Variants in GPD1L observed in about 807,000 individuals in gnomAD.
GPD1L encodes glycerol-3-phosphate dehydrogenase 1-like protein.
GPD1L carries 17 observed loss-of-function variants against 32.9 expected under a neutral mutation model. The ratio of observed to expected loss-of-function variants is 0.52; its 90% CI spans 0.35 to 0.78. The LOEUF (loss-of-function observed/expected upper bound fraction) is 0.78. GPD1L is among the 30% of genes least tolerant of loss of function. GPD1L has a pLI of 0.01. For synonymous variants in GPD1L, 187 were observed against 165.9 expected (o/e 1.13, Z -0.98); for missense variants, 361 against 447.8 (o/e 0.81, Z 1.75).
chr3:32,139,882 AC>A (rs1246133995), intron 3 of GPD1L, among the ~76,000 whole-genome samples: 1 of 152,170 alleles, frequency 6.6e-6, no homozygotes, highest in African/African-American at 2.4e-5. Context: ...TTGTCTAGGG[AC>A]CATCCGATGT....
intron 2 of GPD1L, among the ~76,000 whole-genome samples, chr3:32,135,999 C>T (rs1187383263): frequency 6.6e-6 from 1 of 152,154 alleles, no homozygotes; most frequent in African/African-American, 2.4e-5. Flanking sequence ...TTTTGATCTG[C>T]TCTATGGGGA....
In GPD1L at chr3:32,166,273, G is replaced by A; in HGVS notation, c.*363G>A. ...TTAGGTGTAATTCATATGTATTTGA[G>A]TGGAGGATTTTTTTTCTCATTTTTC... On this transcript the variant is annotated 3_prime_UTR_variant, in exon 8 of 8. Transcript: ENST00000282541. The A allele has an allele frequency of 3.2e-6, 1 of 312,972 alleles. No individual in the cohort carries two copies. Among genetic ancestry groups the A allele is most frequent in the Non-Finnish European group, 6.1e-6 (1 of 163,988 alleles). The allele number at this position is 312,972 out of a possible 1,614,324, so 19.4% of individuals were successfully genotyped here.
chr3:32,166,045 G>A lies in GPD1L; in HGVS notation c.*135G>A, dbSNP rs973601396. On this transcript the variant is annotated 3_prime_UTR_variant, in exon 8 of 8. Transcript: ENST00000282541. ...GATATGTATGAATTTTTACAGGTTCGTTTTTGAATTGTGAGAGGCAGTTCA... is the reference window on the plus strand; with the variant it reads ...GATATGTATGAATTTTTACAGGTTCATTTTTGAATTGTGAGAGGCAGTTCA... 4.5e-5 allele frequency: 32 copies of A among 704,456 alleles called. No homozygotes were observed. The highest frequency in any genetic ancestry group is 1.9e-4 in the African/African-American group (11 of 57,000). The allele number at this position is 704,456 out of a possible 1,614,324, so 43.6% of individuals were successfully genotyped here.
chr3:32,121,420 C>T (rs1194565746), intron 1 of GPD1L, among the ~76,000 whole-genome samples: 1 of 149,668 alleles, frequency 6.7e-6, no homozygotes, highest in Non-Finnish European at 1.5e-5. Context: ...CTCAGAGCTC[C>T]GCCCTGGCTA....
chr3:32,141,232 C>T (rs1440402831), intron 4 of GPD1L, among the ~76,000 whole-genome samples: 1 of 152,128 alleles, frequency 6.6e-6, no homozygotes, highest in African/African-American at 2.4e-5. Context: ...GATTCTTATA[C>T]CTGCCTATAC....
At chr3:32,133,263 A>G (rs1271286738) in intron 2 of GPD1L, among the ~76,000 whole-genome samples, 1 of 152,190 alleles carries the variant, frequency 6.6e-6, no homozygotes, top group Non-Finnish European at 1.5e-5. Flanking sequence ...CTTGAAGTAG[A>G]CATAACTAGT....
intron 1 of GPD1L, among the ~76,000 whole-genome samples, chr3:32,110,497 C>T (rs543594702): frequency 6.6e-6 from 1 of 152,362 alleles, no homozygotes; most frequent in African/African-American, 2.4e-5. Flanking sequence ...CATTTGAGAA[C>T]TCTCACATGG....
At chr3:32,134,735 A>G (rs1700641403) in intron 2 of GPD1L, among the ~76,000 whole-genome samples, 1 of 152,026 alleles carries the variant, frequency 6.6e-6, no homozygotes, top group South Asian at 2.1e-4. Context: ...CAGTCCTCCC[A>G]CCTCAGCCTC....
intron 1 of GPD1L, among the ~76,000 whole-genome samples, chr3:32,111,626 G>A (rs1024014582): frequency 1.3e-5 from 2 of 152,126 alleles, no homozygotes; most frequent in Non-Finnish European, 2.9e-5. Context: ...GAGAGGCAGA[G>A]GATAGGAGAG....
At chr3:32,131,202 C>T (rs1305217194) in intron 2 of GPD1L, among the ~76,000 whole-genome samples, 2 of 152,148 alleles carry the variant, frequency 1.3e-5, no homozygotes. Flanking sequence ...ATTCCAGCAC[C>T]CCCATGAAAT....
At chr3:32,110,996 G>T (rs1575105484) in intron 1 of GPD1L, among the ~76,000 whole-genome samples, 1 of 152,232 alleles carries the variant, frequency 6.6e-6, no homozygotes, top group African/African-American at 2.4e-5. Flanking sequence ...CTTCTGAGTA[G>T]CTGGGATTAC....
intron 5 of GPD1L, among the ~76,000 whole-genome samples, chr3:32,152,816 C>T (rs374544609): frequency 1.9e-3 from 273 of 143,940 alleles, no homozygotes; most frequent in African/African-American, 6.9e-3. Context: ...TTCCAAGCAG[C>T]GAGGTTAAAA....
chr3:32,133,499 G>T lies in GPD1L; in HGVS notation c.226-5088G>T, dbSNP rs75761712. ...TTCTATAAATACAATTTTAGACATTGCTGTAGGCTCGAAAAGACCTTGGAA... is the reference window on the plus strand; with the variant it reads ...TTCTATAAATACAATTTTAGACATTTCTGTAGGCTCGAAAAGACCTTGGAA... On this transcript the variant is annotated intron_variant, in intron 2 of 7. Coordinates refer to ENST00000282541, the MANE Select transcript of GPD1L (RefSeq NM_015141.4). 0.024 allele frequency among the ~76,000 whole-genome samples: 3,624 copies of T among 152,228 alleles called. 295 individuals carry two copies. The East Asian group carries it at 0.26, about 11-fold the overall frequency.
intron 1 of GPD1L, among the ~76,000 whole-genome samples, chr3:32,120,047 G>A (rs1325038062): frequency 6.6e-6 from 1 of 151,910 alleles, no homozygotes; most frequent in Admixed American, 6.6e-5. Context: ...CCTGCCGGCC[G>A]GACACAGTGG....
In GPD1L at chr3:32,157,276, C is replaced by T. The variant is rs557949222; in HGVS notation, c.619-1600C>T. On this transcript the variant is annotated intron_variant, in intron 5 of 7. Coordinates refer to ENST00000282541, the MANE Select transcript of GPD1L (RefSeq NM_015141.4). ...CTTTTTTTTTTTTGAGACAGAGTCT[C>T]GCTCTCGCCCAGGCTGGAGTGCAGT... 6.0e-5 allele frequency among the ~76,000 whole-genome samples: 9 copies of T among 151,168 alleles called. No homozygotes were observed. The East Asian group carries it at 1.2e-3, about 20-fold the overall frequency.
chr3:32,140,895 T>C (rs529836808), intron 4 of GPD1L, among the ~76,000 whole-genome samples: 1 of 152,336 alleles, frequency 6.6e-6, no homozygotes, highest in African/African-American at 2.4e-5. Context: ...TTTCCTGAAC[T>C]AGTAAGCCTT....
chr3:32,132,790 A>T (rs2125481622), intron 2 of GPD1L, among the ~76,000 whole-genome samples: 1 of 152,348 alleles, frequency 6.6e-6, no homozygotes, highest in Admixed American at 6.5e-5. Context: ...ATGGGGGTAC[A>T]TAATAAATTG....
intron 4 of GPD1L, among the ~76,000 whole-genome samples, chr3:32,142,472 G>GA (rs769036029): frequency 2.9e-4 from 44 of 152,098 alleles, no homozygotes; most frequent in Admixed American, 5.2e-4. Flanking sequence ...TATTCTTCTG[G>GA]AAAAAATTTA....
chr3:32,143,797 A>G (rs971851014), intron 4 of GPD1L, among the ~76,000 whole-genome samples: 15 of 151,934 alleles, frequency 9.9e-5, no homozygotes, highest in African/African-American at 3.1e-4. Context: ...TGTCAACATG[A>G]CAAGCGAAAC....
Sources: allele counts gnomAD v4.1 joint callset (sites outside exome capture counted in the v4.1 genomes callset), GRCh38; gene constraint gnomAD v4.1.1; transcripts MANE v1.5; gene names NCBI Gene and HGNC (gene_info 2026-07-23, HGNC 2026-07-21).